RGS22: variants seen among roughly 807,000 people sequenced by gnomAD.
RGS22 encodes the protein regulator of G-protein signaling 22.
RGS22 carries 148 observed loss-of-function variants against 172.9 expected under a neutral mutation model. The ratio of observed to expected loss-of-function variants is 0.86; its 90% CI spans 0.75 to 0.98. The LOEUF (loss-of-function observed/expected upper bound fraction) is 0.98, where lower values mean the gene tolerates loss of function less well. Among genes scored for constraint, RGS22 ranks in the 50% least tolerant of loss-of-function variants. The pLI is 0.00. For missense variants in RGS22, 1,347 were observed against 1,440.8 expected (o/e 0.93, Z 1.05); for synonymous variants, 458 against 480.2 (o/e 0.95, Z 0.60).
In RGS22 at chr8:100,093,497, C is replaced by T; in HGVS notation, c.67G>A (p.Ala23Thr). 1.3e-6 allele frequency: 2 copies of T among 1,593,268 alleles called. No homozygotes were observed. The highest frequency in any genetic ancestry group is 1.7e-5 in the Admixed American group (1 of 58,096). ...TAGTCTACAAGGAAATCATCTGTTG[C>T]CAGAGAATCTTCCTGCAAAAAAAAA... ...ITEEEFEDSL[A>T]TDDFLVDYFN... The change falls in exon 3 of 28, where the codon GCA (alanine) becomes ACA (threonine). Residue 23 changes from alanine (A) to threonine (T), a missense_variant. Coordinates refer to ENST00000360863, the MANE Select transcript of RGS22 (RefSeq NM_015668.5).
At chr8:100,090,239 C>A (rs1430545615) in intron 3 of RGS22, among the ~76,000 whole-genome samples, 1 of 152,042 alleles carries the variant, frequency 6.6e-6, no homozygotes, top group Non-Finnish European at 1.5e-5. Flanking sequence ...ATTAAGTAAG[C>A]AAGGTTTCTA....
chr8:100,002,201 C>A lies in RGS22; in HGVS notation c.2790+1G>T. On this transcript the variant is annotated splice_donor_variant, in intron 18 of 27. Coordinates refer to ENST00000360863, the MANE Select transcript of RGS22 (RefSeq NM_015668.5). LOFTEE classifies it high-confidence loss of function. The stretch of plus-strand genomic sequence containing the variant: ...AAAAAAATAGGTTTGCATGTTGATA[C>A]CTGGTTCTGCTGATACAGAGAAGCT... 6.4e-7 allele frequency: 1 copy of A among 1,550,944 alleles called. No homozygotes were observed. The highest frequency in any genetic ancestry group is 8.7e-7 in the Non-Finnish European group (1 of 1,155,752).
intron 14 of RGS22, among the ~76,000 whole-genome samples, chr8:100,025,930 C>A (rs1021095858): frequency 6.6e-6 from 1 of 152,222 alleles, no homozygotes; most frequent in Non-Finnish European, 1.5e-5. Context: ...CAAAAGAAAG[C>A]ACATTCTTGA....
rs1170123309 is a variant in RGS22, at chr8:100,080,145, A to C, written c.328T>G (p.Tyr110Asp). The change falls in exon 4 of 28, where the codon TAC becomes GAC. Residue 110 changes from tyrosine (Y) to aspartate (D), a missense_variant. By Grantham distance (160) the Tyr-to-Asp change is radical. Transcript: ENST00000360863. Reference sequence around the variant, plus strand: ...GTATACTTTCTTACCATAATATTGTAGTTGACATTAATGGTCTCATCTTCA... The same window carrying C: ...GTATACTTTCTTACCATAATATTGTCGTTGACATTAATGGTCTCATCTTCA... ...PDEDETINVN[Y>D]NIMCLSREEG... The C allele has an allele frequency of 6.3e-7, 1 of 1,596,122 alleles. No individual in the cohort carries two copies. Among genetic ancestry groups the C allele is most frequent in the Admixed American group, 1.7e-5 (1 of 59,686 alleles).
chr8:99,980,140 G>A (rs979435641), intron 22 of RGS22, among the ~76,000 whole-genome samples: 1 of 152,158 alleles, frequency 6.6e-6, no homozygotes, highest in East Asian at 1.9e-4. Flanking sequence ...ATATTGCCCA[G>A]GCTGGTCTTG....
intron 2 of RGS22, among the ~76,000 whole-genome samples, chr8:100,102,619 G>A (rs1283846297): frequency 6.6e-6 from 1 of 152,210 alleles, no homozygotes; most frequent in East Asian, 1.9e-4. Context: ...ATGATGTTAG[G>A]TTGGAAAGGC....
chr8:99,993,725 A>C (rs1246689474), intron 20 of RGS22, among the ~76,000 whole-genome samples: 1 of 152,232 alleles, frequency 6.6e-6, no homozygotes, highest in East Asian at 1.9e-4. Context: ...AAACTATTCC[A>C]ATCAATAGAA....
At chr8:100,051,771 T>A (rs1472488862) in intron 10 of RGS22, among the ~76,000 whole-genome samples, 1 of 69,750 alleles carries the variant, frequency 1.4e-5, no homozygotes, top group African/African-American at 6.1e-5. Flanking sequence ...ATATAAATGT[T>A]TATATATATT....
At chr8:100,023,719 C>A (rs1272636490) in intron 14 of RGS22, among the ~76,000 whole-genome samples, 1 of 152,184 alleles carries the variant, frequency 6.6e-6, no homozygotes. Flanking sequence ...TAGGTGCGAG[C>A]CACTGTGCCT....
intron 22 of RGS22, among the ~76,000 whole-genome samples, chr8:99,981,650 C>T (rs1194881862): frequency 6.6e-6 from 1 of 151,552 alleles, no homozygotes; most frequent in Non-Finnish European, 1.5e-5. Context: ...AGGACTGGAA[C>T]CTTGTCAAAT....
chr8:99,964,085 T>A (rs747501425), intron 24 of RGS22, among the ~76,000 whole-genome samples: 1 of 152,064 alleles, frequency 6.6e-6, no homozygotes, highest in Non-Finnish European at 1.5e-5. Context: ...CTCTCTCTCT[T>A]TTTAACCGAT....
chr8:100,000,141 T>C (rs1478002505), intron 18 of RGS22, among the ~76,000 whole-genome samples: 1 of 152,204 alleles, frequency 6.6e-6, no homozygotes, highest in Non-Finnish European at 1.5e-5. Context: ...TACTAATAGC[T>C]TTTTCCTGCC....
At chr8:100,047,431 A>T (rs1820839208) in intron 11 of RGS22, 32 bp downstream of exon 11, 1 of 1,557,086 alleles carries the variant, frequency 6.4e-7, no homozygotes, top group African/African-American at 1.4e-5. Context: ...GTATTGCAGA[A>T]AAGCACTTAA....
At chr8:100,085,299 T>C (rs1812082259) in intron 3 of RGS22, among the ~76,000 whole-genome samples, 1 of 152,176 alleles carries the variant, frequency 6.6e-6, no homozygotes, top group Non-Finnish European at 1.5e-5. Flanking sequence ...ATTTAATATA[T>C]TGAGTGAGCC....
intron 3 of RGS22, among the ~76,000 whole-genome samples, chr8:100,085,918 T>C (rs1259970486): frequency 6.6e-6 from 1 of 152,152 alleles, no homozygotes; most frequent in Admixed American, 6.6e-5. Context: ...TATATTGAAC[T>C]CCAGTTTAAC....
intron 23 of RGS22, among the ~76,000 whole-genome samples, chr8:99,977,359 G>A (rs961710743): frequency 1.3e-5 from 2 of 150,068 alleles, no homozygotes; most frequent in African/African-American, 4.9e-5. Flanking sequence ...CTGAGCTCAG[G>A]CAATCCGCCC....
At chr8:100,039,667 C>T (rs888603980) in intron 13 of RGS22, among the ~76,000 whole-genome samples, 1 of 151,922 alleles carries the variant, frequency 6.6e-6, no homozygotes, top group Non-Finnish European at 1.5e-5. Flanking sequence ...TGAGCCACCG[C>T]GCCTGGCCAA....
At chr8:99,980,811 T>C (rs1812475834) in intron 22 of RGS22, among the ~76,000 whole-genome samples, 2 of 152,148 alleles carry the variant, frequency 1.3e-5, no homozygotes, top group Admixed American at 1.3e-4. Context: ...TTGGTATCGA[T>C]GGGTAAGTCC....
intron 20 of RGS22, 25 bp downstream of exon 20, chr8:99,996,437 G>A (rs758437324): frequency 2.3e-5 from 36 of 1,587,796 alleles, no homozygotes; most frequent in African/African-American, 1.6e-4. Context: ...CTTACAAGAG[G>A]AAGAATATAA....
Sources: gnomAD v4.1 joint callset for allele counts (sites outside exome capture counted in the v4.1 genomes callset) on GRCh38, gnomAD v4.1.1 for gene constraint, MANE v1.5 for transcripts, NCBI Gene and HGNC (gene_info 2026-07-23, HGNC 2026-07-21) for gene names.